EXOC4: variants seen among roughly 807,000 people sequenced by gnomAD.
The protein encoded by EXOC4 is SEC8-like 1.
In EXOC4, 71 loss-of-function variants were observed where a neutral mutation model predicts 107.2. That is an observed-to-expected ratio of 0.66 (90% CI 0.55 to 0.81). EXOC4 has a LOEUF of 0.81. Ranked by LOEUF, EXOC4 falls within the 30% of genes least tolerant of loss-of-function variation. The pLI, the probability that EXOC4 is intolerant of heterozygous loss-of-function variation, is 0.00. For synonymous variants in EXOC4, 456 were observed against 441.2 expected (o/e 1.03, Z -0.42); for missense variants, 1,108 against 1,189.6 (o/e 0.93, Z 1.01).
At chr7:133,493,315 T>G (rs963502632) in intron 9 of EXOC4, among the ~76,000 whole-genome samples, 1 of 152,172 alleles carries the variant, frequency 6.6e-6, no homozygotes, top group Non-Finnish European at 1.5e-5. Flanking sequence ...CACACGCCTC[T>G]AGTCCCAGCT....
intron 11 of EXOC4, among the ~76,000 whole-genome samples, chr7:133,883,446 G>A (rs1257307602): frequency 6.7e-6 from 1 of 149,172 alleles, no homozygotes; most frequent in Non-Finnish European, 1.5e-5. Context: ...GTTTTAAGCA[G>A]GCTGGGCAAC....
chr7:133,517,787 T>C (rs1285827368), intron 9 of EXOC4, among the ~76,000 whole-genome samples: 1 of 152,126 alleles, frequency 6.6e-6, no homozygotes, highest in African/African-American at 2.4e-5. Flanking sequence ...AGCCAAACCA[T>C]ATCACCATGT....
At chr7:133,450,160 C>T in intron 7 of EXOC4, among the ~76,000 whole-genome samples, 1 of 151,872 alleles carries the variant, frequency 6.6e-6, no homozygotes, top group East Asian at 1.9e-4. Context: ...TTTTTTGTTT[C>T]TAGTTTTTGG....
At chr7:133,925,244 T>C (rs945396630) in intron 13 of EXOC4, among the ~76,000 whole-genome samples, 1 of 152,198 alleles carries the variant, frequency 6.6e-6, no homozygotes, top group Non-Finnish European at 1.5e-5. Context: ...TCTATTCTTG[T>C]TTTTTAACTA....
At chr7:133,979,899 C>A (rs1485871433) in intron 14 of EXOC4, among the ~76,000 whole-genome samples, 1 of 152,130 alleles carries the variant, frequency 6.6e-6, no homozygotes, top group African/African-American at 2.4e-5. Context: ...ATGTTAAAAA[C>A]ACTGATTTAT....
At chr7:133,425,087 AC>A (rs58401262) in intron 7 of EXOC4, among the ~76,000 whole-genome samples, 10,664 of 152,206 alleles carry the variant, frequency 0.07, 1,257 homozygotes, top group African/African-American at 0.24. Flanking sequence ...AACTGCAGTT[AC>A]GGTGGGCAGG....
In EXOC4 at chr7:133,538,857, AAGAG is replaced by A. The variant is rs1554469398; in HGVS notation, c.1417+58742_1417+58745del. ...TGAAAGAAAAAGAAAGAAAGAAAGA[AAGAG>A]AGAGAGAGAGAGAGAGAGAGAGGGA... On this transcript the variant is annotated intron_variant, in intron 9 of 17. Coordinates refer to ENST00000253861, the MANE Select transcript of EXOC4 (RefSeq NM_021807.4). Among the ~76,000 whole-genome samples, 342 of 72,184 alleles carry A rather than the reference AAGAG, an allele frequency of 4.7e-3. 3 individuals carry two copies. Among genetic ancestry groups the A allele is most frequent in the Middle Eastern group, 0.019 (2 of 108 alleles). The allele number at this position is 72,184 out of a possible 152,430, so 47.4% of individuals were successfully genotyped here. A position where few individuals can be genotyped will look rare whatever the true frequency, so the allele number is the denominator to read the frequency against.
intron 11 of EXOC4, among the ~76,000 whole-genome samples, chr7:133,847,714 G>T (rs1798159740): frequency 6.7e-6 from 1 of 149,760 alleles, no homozygotes; most frequent in African/African-American, 2.5e-5. Flanking sequence ...ATTTGTGGTG[G>T]GGAGAGGGTG....
At chr7:133,450,793 G>A (rs528756523) in intron 7 of EXOC4, among the ~76,000 whole-genome samples, 86 of 152,116 alleles carry the variant, frequency 5.7e-4, no homozygotes, top group Non-Finnish European at 1.1e-3. Context: ...AACATAAATC[G>A]TTTTCCATGA....
intron 9 of EXOC4, chr7:133,576,532 A>C (rs1801132679): frequency 5.4e-6 from 7 of 1,289,370 alleles, no homozygotes; most frequent in Non-Finnish European, 7.1e-6. Context: ...ATTTAGTAAC[A>C]GCAAGCAAAA....
intron 10 of EXOC4, among the ~76,000 whole-genome samples, chr7:133,681,345 A>G (rs1423078370): frequency 6.7e-6 from 1 of 150,300 alleles, no homozygotes; most frequent in Non-Finnish European, 1.5e-5. Context: ...TCAGCACCAG[A>G]TATCTTTTTG....
chr7:133,338,378 G>A (rs997296589), intron 5 of EXOC4, among the ~76,000 whole-genome samples: 3 of 150,414 alleles, frequency 2.0e-5, no homozygotes, highest in African/African-American at 4.9e-5. Flanking sequence ...TGGATCATGA[G>A]GTCAGGAGAT....
chr7:133,523,005 A>G (rs934263017), intron 9 of EXOC4, among the ~76,000 whole-genome samples: 1 of 152,096 alleles, frequency 6.6e-6, no homozygotes, highest in African/African-American at 2.4e-5. Context: ...TTAACTCACC[A>G]CCTTGTGTTT....
At chr7:133,389,911 A>AAC in intron 7 of EXOC4, among the ~76,000 whole-genome samples, 1 of 151,374 alleles carries the variant, frequency 6.6e-6, no homozygotes, top group Admixed American at 6.6e-5. Context: ...AAAAAAAAAA[A>AAC]TGCATGTGCA....
chr7:133,943,740 T>C (rs1800485603), intron 14 of EXOC4, among the ~76,000 whole-genome samples: 1 of 151,722 alleles, frequency 6.6e-6, no homozygotes, highest in Non-Finnish European at 1.5e-5. Flanking sequence ...TATTTTGCAA[T>C]TTGGTTATTT....
rs1036985188 is a variant in EXOC4 at position 134,065,623 on chromosome 7, G to C, written c.*1095G>C. 1 of 152,420 alleles carries C rather than the reference G, an allele frequency of 6.6e-6. No homozygotes were observed. The highest frequency in any genetic ancestry group is 1.5e-5 in the Non-Finnish European group (1 of 68,204). 9.4% of individuals were successfully genotyped at this position (152,420 alleles called of 1,614,324 possible). ...GCCACATCTTGAAAACTCGTGGAAA[G>C]GGAAAGGGGAGGAGATGGGACTTTG... is the stretch of plus-strand genomic sequence containing the variant. On this transcript the variant is annotated 3_prime_UTR_variant, in exon 18 of 18. Transcript: ENST00000253861.
At chr7:133,730,847 G>C (rs1359281395) in intron 10 of EXOC4, among the ~76,000 whole-genome samples, 15 of 152,116 alleles carry the variant, frequency 9.9e-5, no homozygotes, top group Admixed American at 9.8e-4. Context: ...CACAAGTATG[G>C]TGCACTTTGG....
At position 133,274,982 on chromosome 7, in the gene EXOC4, G is replaced by T. The variant is rs1192538966; in HGVS notation, c.87G>T (p.Arg29Ser). ...DPSGLLISVIRTLSTSDDVED... is the reference protein window; with the variant it reads ...DPSGLLISVISTLSTSDDVED... ...TTGATATACTCTCTGCCTTCACCAGGACTCTGTCTACTAGTGACGATGTCG... is the reference window on the plus strand; with the variant it reads ...TTGATATACTCTCTGCCTTCACCAGTACTCTGTCTACTAGTGACGATGTCG... The change falls in exon 2 of 18, where the codon AGG (arginine) becomes AGT (serine). Residue 29 changes from arginine to serine, a missense_variant and splice_region_variant. By Grantham distance (110) the Arg-to-Ser change is moderately radical. Coordinates refer to ENST00000253861, the MANE Select transcript of EXOC4 (RefSeq NM_021807.4). 1 of 1,596,108 alleles carries T rather than the reference G, an allele frequency of 6.3e-7. No individual in the cohort carries two copies. The highest frequency in any genetic ancestry group is 1.1e-5 in the South Asian group (1 of 88,302).
chr7:133,553,353 A>T (rs1193420784), intron 9 of EXOC4, among the ~76,000 whole-genome samples: 2 of 151,966 alleles, frequency 1.3e-5, no homozygotes, highest in Admixed American at 1.3e-4. Flanking sequence ...CTTTTATAGG[A>T]TGTGTTGAGT....
Sources: allele counts gnomAD v4.1 joint callset (sites outside exome capture counted in the v4.1 genomes callset), GRCh38; gene constraint gnomAD v4.1.1; transcripts MANE v1.5; gene names NCBI Gene and HGNC (gene_info 2026-07-23, HGNC 2026-07-21).